The following CCSER1 variants were observed in gnomAD, a reference collection of about 807,000 sequenced individuals.
CCSER1 encodes the protein coiled-coil serine rich protein 1.
Under a neutral mutation model 82.0 loss-of-function variants are expected in CCSER1, and 41 were observed. The observed-to-expected ratio is 0.50, with a 90% CI of 0.39 to 0.65. CCSER1 has a LOEUF of 0.65. Ranked by LOEUF, CCSER1 falls within the 30% of genes least tolerant of loss-of-function variation. CCSER1 has a pLI of 0.00. For missense variants in CCSER1, 1,119 were observed against 1,064.2 expected (o/e 1.05, Z -0.72); for synonymous variants, 414 against 383.9 (o/e 1.08, Z -0.92).
chr4:91,228,226 A>G (rs920277159), intron 10 of CCSER1, among the ~76,000 whole-genome samples: 17 of 152,238 alleles, frequency 1.1e-4, no homozygotes, highest in South Asian at 4.1e-4. Flanking sequence ...TTAAAGTACA[A>G]TTTTGAATAT....
chr4:91,095,755 C>T (rs932004191), intron 10 of CCSER1, among the ~76,000 whole-genome samples: 5 of 152,118 alleles, frequency 3.3e-5, no homozygotes, highest in African/African-American at 1.2e-4. Flanking sequence ...GCCTTCTGAG[C>T]CCCTTTTTTC....
At chr4:90,441,337 A>G (rs1759847495) in intron 4 of CCSER1, among the ~76,000 whole-genome samples, 1 of 152,112 alleles carries the variant, frequency 6.6e-6, no homozygotes, top group South Asian at 2.1e-4. Context: ...TTTTCTCACA[A>G]TTCTGAAGAT....
intron 8 of CCSER1, among the ~76,000 whole-genome samples, chr4:90,836,694 G>A (rs779931392): frequency 6.6e-6 from 1 of 152,126 alleles, no homozygotes; most frequent in Non-Finnish European, 1.5e-5. Flanking sequence ...TTTGAACCCT[G>A]GACTGGGTGG....
chr4:91,245,010 G>C (rs931128839), intron 10 of CCSER1, among the ~76,000 whole-genome samples: 5 of 151,956 alleles, frequency 3.3e-5, no homozygotes, highest in African/African-American at 7.2e-5. Flanking sequence ...GAATGCATTA[G>C]AGTCTCTTAA....
chr4:91,074,819 C>T (rs1225862385), intron 9 of CCSER1, among the ~76,000 whole-genome samples: 1 of 152,254 alleles, frequency 6.6e-6, no homozygotes, highest in East Asian at 1.9e-4. Flanking sequence ...TTATTTTATT[C>T]AGTTAAATCA....
chr4:91,251,911 TAG>T (rs1740288387), intron 10 of CCSER1, among the ~76,000 whole-genome samples: 1 of 151,986 alleles, frequency 6.6e-6, no homozygotes, highest in Admixed American at 6.6e-5. Context: ...ATGGTTAGGG[TAG>T]AGAGAATATT....
intron 5 of CCSER1, among the ~76,000 whole-genome samples, chr4:90,487,484 A>G (rs571740550): frequency 1.3e-5 from 2 of 152,176 alleles, no homozygotes; most frequent in Non-Finnish European, 2.9e-5. Context: ...TTGTTTGTTC[A>G]GTATTTATCA....
intron 10 of CCSER1, among the ~76,000 whole-genome samples, chr4:91,404,675 G>A (rs1452309949): frequency 6.6e-6 from 1 of 152,138 alleles, no homozygotes; most frequent in African/African-American, 2.4e-5. Context: ...TCAGGAGCAG[G>A]TTGTTCAGTT....
chr4:90,915,104 C>T (rs903513428), intron 8 of CCSER1, among the ~76,000 whole-genome samples: 5 of 152,302 alleles, frequency 3.3e-5, no homozygotes, highest in Admixed American at 3.3e-4. Flanking sequence ...GAGCTGGTAC[C>T]ATTCCTTCTG....
intron 4 of CCSER1, among the ~76,000 whole-genome samples, chr4:90,425,681 A>G (rs1469694864): frequency 1.3e-5 from 2 of 152,202 alleles, no homozygotes; most frequent in Non-Finnish European, 2.9e-5. Flanking sequence ...AGGTGTGCTG[A>G]CCCACCAAAC....
chr4:90,202,102 C>A (rs2153406561), intron 1 of CCSER1, among the ~76,000 whole-genome samples: 1 of 152,038 alleles, frequency 6.6e-6, no homozygotes, highest in East Asian at 1.9e-4. Flanking sequence ...AAGTCTAATT[C>A]TTTGGTTTAA....
At chr4:91,365,253 T>A (rs574042418) in intron 10 of CCSER1, among the ~76,000 whole-genome samples, 1 of 152,160 alleles carries the variant, frequency 6.6e-6, no homozygotes, top group Non-Finnish European at 1.5e-5. Flanking sequence ...AATAACTACA[T>A]CCATGCGTGC....
At chr4:90,163,520 C>T (rs929021718) in intron 1 of CCSER1, among the ~76,000 whole-genome samples, 1 of 151,848 alleles carries the variant, frequency 6.6e-6, no homozygotes, top group Non-Finnish European at 1.5e-5. Context: ...GAGTTATAAA[C>T]CCACATTTTT....
intron 10 of CCSER1, among the ~76,000 whole-genome samples, chr4:91,467,756 C>T (rs1757008247): frequency 6.6e-6 from 1 of 152,186 alleles, no homozygotes; most frequent in Non-Finnish European, 1.5e-5. Context: ...AAAACATGCT[C>T]ATCATCACTG....
At chr4:91,187,732 T>C (rs1249603480) in intron 10 of CCSER1, among the ~76,000 whole-genome samples, 1 of 152,158 alleles carries the variant, frequency 6.6e-6, no homozygotes, top group Non-Finnish European at 1.5e-5. Flanking sequence ...TTTGTGTTTT[T>C]AGTAGAGCTG....
intron 10 of CCSER1, among the ~76,000 whole-genome samples, chr4:91,574,709 C>T (rs114818772): frequency 6.1e-4 from 92 of 151,708 alleles, no homozygotes; most frequent in African/African-American, 2.1e-3. Flanking sequence ...ATAAAAATGA[C>T]AACAATAGAC....
intron 10 of CCSER1, among the ~76,000 whole-genome samples, chr4:91,323,495 AT>A (rs544045290): frequency 1.2e-4 from 19 of 152,312 alleles, no homozygotes; most frequent in South Asian, 8.3e-4. Flanking sequence ...TTGCTTATGA[AT>A]GATTACCTAA....
intron 9 of CCSER1, among the ~76,000 whole-genome samples, chr4:91,055,603 A>G (rs1743372603): frequency 6.6e-6 from 1 of 152,102 alleles, no homozygotes; most frequent in South Asian, 2.1e-4. Context: ...GTTTGATTAT[A>G]ATGTGTCTCA....
At chr4:90,197,013 A>G (rs1020582580) in intron 1 of CCSER1, among the ~76,000 whole-genome samples, 1 of 152,064 alleles carries the variant, frequency 6.6e-6, no homozygotes, top group African/African-American at 2.4e-5. Flanking sequence ...GACTACCCCT[A>G]TATCAGATGC....
Sources: gnomAD v4.1 joint callset for allele counts (sites outside exome capture counted in the v4.1 genomes callset) on GRCh38, gnomAD v4.1.1 for gene constraint, MANE v1.5 for transcripts, NCBI Gene and HGNC (gene_info 2026-07-23, HGNC 2026-07-21) for gene names.